The following SPATA17 variants were observed in gnomAD, a reference collection of about 807,000 sequenced individuals.
SPATA17 encodes spermatogenesis-associated protein 17.
In SPATA17, 53 loss-of-function variants were observed where a neutral mutation model predicts 62.2. That is an observed-to-expected ratio of 0.85 (90% CI 0.68 to 1.07). The LOEUF is 1.07. Among genes scored for constraint, SPATA17 ranks in the 50% least tolerant of loss-of-function variants. SPATA17 has a pLI of 0.00. For synonymous variants in SPATA17, 146 were observed against 146.8 expected (o/e 0.99, Z 0.04); for missense variants, 466 against 425.5 (o/e 1.10, Z -0.84).
At chr1:217,633,380 C>A (rs918902554) in intron 1 of SPATA17, among the ~76,000 whole-genome samples, 9 of 149,884 alleles carry the variant, frequency 6.0e-5, no homozygotes, top group Admixed American at 3.3e-4. Flanking sequence ...TAGAAATTAT[C>A]TATTTATTAG....
chr1:217,649,733 C>CTT (rs34501876), intron 2 of SPATA17, among the ~76,000 whole-genome samples: 80 of 141,666 alleles, frequency 5.6e-4, no homozygotes, highest in African/African-American at 1.9e-3. Context: ...CTCTTTCTCA[C>CTT]TTTTTTTTTT....
chr1:217,646,721 C>G (rs1018334262), intron 1 of SPATA17, among the ~76,000 whole-genome samples: 2 of 151,926 alleles, frequency 1.3e-5, no homozygotes, highest in African/African-American at 4.8e-5. Flanking sequence ...ATGGTGAAAC[C>G]CTGTCTCTAC....
intron 9 of SPATA17, among the ~76,000 whole-genome samples, chr1:217,833,515 A>C (rs977489754): frequency 6.6e-6 from 1 of 152,186 alleles, no homozygotes; most frequent in Non-Finnish European, 1.5e-5. Context: ...GACACACCAG[A>C]TCACTAGTAT....
chr1:217,720,767 A>C (rs1571757018), intron 5 of SPATA17, among the ~76,000 whole-genome samples: 1 of 152,314 alleles, frequency 6.6e-6, no homozygotes, highest in East Asian at 1.9e-4. Context: ...ATACTGGGAG[A>C]AGTCAGCACC....
chr1:217,766,908 C>G (rs1464849843), intron 6 of SPATA17, among the ~76,000 whole-genome samples: 1 of 152,088 alleles, frequency 6.6e-6, no homozygotes, highest in African/African-American at 2.4e-5. Flanking sequence ...CTTTCTTCCC[C>G]TTCAAATAGG....
chr1:217,680,695 C>T (rs577899098), intron 4 of SPATA17, among the ~76,000 whole-genome samples: 26 of 151,888 alleles, frequency 1.7e-4, no homozygotes, highest in African/African-American at 6.3e-4. Context: ...GAGGCCAAGG[C>T]GGGAGGATCA....
chr1:217,729,373 A>G (rs1263813321), intron 5 of SPATA17, among the ~76,000 whole-genome samples: 1 of 152,218 alleles, frequency 6.6e-6, no homozygotes, highest in Non-Finnish European at 1.5e-5. Context: ...GAGAGTAAAT[A>G]TGATTACCTC....
At chr1:217,675,178 G>T (rs780901908) in intron 4 of SPATA17, among the ~76,000 whole-genome samples, 1 of 152,180 alleles carries the variant, frequency 6.6e-6, no homozygotes, top group African/African-American at 2.4e-5. Context: ...AGGATGGAAA[G>T]TAGATTAGTA....
chr1:217,643,669 A>G (rs1009472385), intron 1 of SPATA17, among the ~76,000 whole-genome samples: 1 of 151,978 alleles, frequency 6.6e-6, no homozygotes, highest in Non-Finnish European at 1.5e-5. Flanking sequence ...GAAATGAGGT[A>G]AAGAGAAGTG....
chr1:217,820,957 C>T (rs548668892), intron 9 of SPATA17, among the ~76,000 whole-genome samples: 8 of 152,172 alleles, frequency 5.3e-5, no homozygotes, highest in African/African-American at 1.9e-4. Context: ...TGCATTAAAA[C>T]ATGGCAGAGA....
intron 5 of SPATA17, among the ~76,000 whole-genome samples, chr1:217,701,061 G>A (rs1571741471): frequency 6.6e-6 from 1 of 150,944 alleles, no homozygotes; most frequent in Non-Finnish European, 1.5e-5. Flanking sequence ...TACAACCTCC[G>A]CCTCCTGGGT....
rs6682688 is a variant in SPATA17, at chr1:217,707,048, G to A, written c.395+23687G>A. Among the ~76,000 whole-genome samples, 483 of 152,030 alleles carry A rather than the reference G, an allele frequency of 3.2e-3. 2 individuals carry two copies. Among genetic ancestry groups the A allele is most frequent in the African/African-American group, 0.01 (427 of 41,472 alleles). On this transcript the variant is annotated intron_variant, in intron 5 of 10. Coordinates refer to ENST00000366933, the MANE Select transcript of SPATA17 (RefSeq NM_138796.4). ...TGCCCAGCTAATTTTTGTATTTTTC[G>A]TAGAGACAGGGTTTCACCGTATTGG...
intron 5 of SPATA17, among the ~76,000 whole-genome samples, chr1:217,696,915 A>C (rs114357381): frequency 0.012 from 1,768 of 152,316 alleles, 24 homozygotes; most frequent in Non-Finnish European, 0.019. Context: ...TATGCCATCA[A>C]ATCTTCCGAA....
At chr1:217,825,403 A>G (rs936623984) in intron 9 of SPATA17, among the ~76,000 whole-genome samples, 1 of 151,882 alleles carries the variant, frequency 6.6e-6, no homozygotes. Flanking sequence ...TTTTGTTTTT[A>G]TAAAAACTTT....
At chr1:217,826,273 G>A (rs1392638648) in intron 9 of SPATA17, among the ~76,000 whole-genome samples, 1 of 152,024 alleles carries the variant, frequency 6.6e-6, no homozygotes, top group Admixed American at 6.6e-5. Flanking sequence ...TTATTAAGAA[G>A]CAGCCCAATC....
chr1:217,664,260 T>C (rs993042399), intron 3 of SPATA17, among the ~76,000 whole-genome samples: 3 of 151,400 alleles, frequency 2.0e-5, no homozygotes, highest in African/African-American at 7.3e-5. Flanking sequence ...TCCAATGAAG[T>C]GTAAGACTTT....
chr1:217,656,681 G>C lies in SPATA17; in HGVS notation c.240+5503G>C, dbSNP rs189092005. On this transcript the variant is annotated intron_variant, in intron 3 of 10. Coordinates refer to ENST00000366933, the MANE Select transcript of SPATA17 (RefSeq NM_138796.4). ...ATAATTATGAAATAAGATTAAAATA[G>C]CTCCCATTTCTTGATTGCCTAGTGA... 7.2e-5 allele frequency among the ~76,000 whole-genome samples: 11 copies of C among 152,190 alleles called. No individual in the cohort carries two copies. In the Middle Eastern group the frequency reaches 0.01, roughly 141 times the overall value.
At chr1:217,741,855 C>G (rs1158895699) in intron 5 of SPATA17, 120 bp from the exon 6 acceptor site, 1 of 1,041,014 alleles carries the variant, frequency 9.6e-7, no homozygotes, top group East Asian at 2.5e-5. Flanking sequence ...ATAGATTACA[C>G]CACTGATTTG....
chr1:217,716,140 A>G (rs1252970030), intron 5 of SPATA17, among the ~76,000 whole-genome samples: 1 of 152,194 alleles, frequency 6.6e-6, no homozygotes, highest in Non-Finnish European at 1.5e-5. Flanking sequence ...TATGCTAATG[A>G]CAAACCTAAA....
Sources: allele counts gnomAD v4.1 joint callset (sites outside exome capture counted in the v4.1 genomes callset), GRCh38; gene constraint gnomAD v4.1.1; transcripts MANE v1.5; gene names NCBI Gene and HGNC (gene_info 2026-07-23, HGNC 2026-07-21).